GPHN: variants seen among roughly 807,000 people sequenced by gnomAD.
GPHN encodes gephyrin.
In GPHN, 17 loss-of-function variants were observed where a neutral mutation model predicts 95.5. The observed-to-expected ratio is 0.18, with a 90% CI of 0.12 to 0.27. The LOEUF is 0.27. GPHN is among the 10% of genes least tolerant of loss of function. The probability of loss-of-function intolerance (pLI) is 1.00; values close to 1 mark genes in which losing one functional copy is unlikely to be tolerated. For synonymous variants in GPHN, 320 were observed against 322.5 expected, an observed-to-expected ratio of 0.99 and a Z score of 0.08; for missense variants, 660 against 978.1, an observed-to-expected ratio of 0.67 and a Z score of 4.34.
chr14:66,516,018 T>A (rs112074837), intron 1 of GPHN, among the ~76,000 whole-genome samples: 79 of 152,210 alleles, frequency 5.2e-4, no homozygotes, highest in African/African-American at 1.6e-3. Context: ...TACACATTTT[T>A]TTTTTTTTGA....
chr14:66,666,140 T>G (rs987816706), intron 1 of GPHN, among the ~76,000 whole-genome samples: 7 of 151,796 alleles, frequency 4.6e-5, no homozygotes, highest in Non-Finnish European at 1.0e-4. Context: ...TTAGGAGATA[T>G]ACCTAATGTA....
At chr14:66,910,105 C>T (rs539767596) in intron 5 of GPHN, among the ~76,000 whole-genome samples, 4 of 151,850 alleles carry the variant, frequency 2.6e-5, no homozygotes, top group South Asian at 2.1e-4. Flanking sequence ...TATGCAGAAT[C>T]GACCCTCTAG....
intron 4 of GPHN, among the ~76,000 whole-genome samples, chr14:66,827,128 A>G (rs1217514484): frequency 6.6e-6 from 1 of 152,142 alleles, no homozygotes; most frequent in Non-Finnish European, 1.5e-5. Context: ...TACTAAAAAT[A>G]CAAAGAATTA....
At chr14:67,310,574 T>C in the GPHN span, among the ~76,000 whole-genome samples, 1 of 152,218 alleles carries the variant, frequency 6.6e-6, no homozygotes. Context: ...TTCACTATGC[T>C]ATACACTTAT....
At chr14:67,390,642 G>T in the GPHN span, 2 of 1,554,984 alleles carry the variant, frequency 1.3e-6, no homozygotes, top group South Asian at 2.2e-5. Context: ...GGACCAACAT[G>T]GAGCCAGCAT....
chr14:67,276,017 C>A, the GPHN span, among the ~76,000 whole-genome samples: 1 of 151,908 alleles, frequency 6.6e-6, no homozygotes, highest in East Asian at 1.9e-4. Context: ...CTCTTTTCTT[C>A]ATTAGTCTTG....
intron 1 of GPHN, among the ~76,000 whole-genome samples, chr14:66,626,940 ATT>A (rs1321673579): frequency 6.6e-6 from 1 of 151,964 alleles, no homozygotes; most frequent in Non-Finnish European, 1.5e-5. Flanking sequence ...ACTGCCAGAG[ATT>A]TGCTTTATAG....
rs750109574 is a variant in GPHN, at chr14:67,113,072, C to T, written c.1527C>T (p.His509=). The T allele has an allele frequency of 1.2e-6, 2 of 1,613,628 alleles. No individual in the cohort carries two copies. Residue 509 remains histidine, a synonymous_variant, in exon 16 of 23, where the codon CAC becomes CAT. Coordinates refer to ENST00000478722, the MANE Select transcript of GPHN (RefSeq NM_020806.5). The stretch of plus-strand genomic sequence containing the variant: ...AATGTGTTTTGGCCAAAGGAACCCA[C>T]ATGGGCCCCTCAGAGATTGGTCTTC... ...RGECVLAKGT[H]MGPSEIGLLA... is the part of the protein sequence containing the mutation.
intron 13 of GPHN, among the ~76,000 whole-genome samples, chr14:67,106,101 T>G (rs1472773578): frequency 6.6e-6 from 1 of 152,158 alleles, no homozygotes; most frequent in Non-Finnish European, 1.5e-5. Context: ...AGTAATGAAT[T>G]CTCTCCATTT....
Position 66,983,715 on chromosome 14 carries a change from T to C in GPHN, c.963+18390T>C, listed in dbSNP as rs563684459. ...TTTACATTCAGAGTTTAGTGGTAAC[T>C]GTCTTTTTTTCTTCTTATAATTCAT... On this transcript the variant is annotated intron_variant, in intron 9 of 22. Transcript: ENST00000478722. 2.6e-5 allele frequency among the ~76,000 whole-genome samples: 4 copies of C among 152,252 alleles called. No homozygotes were observed. The South Asian group carries it at 8.3e-4, about 32-fold the overall frequency.
the GPHN span, chr14:67,294,974 A>G: frequency 1.3e-5 from 2 of 151,946 alleles, no homozygotes; most frequent in African/African-American, 4.8e-5. Context: ...GCCTGGCCCT[A>G]GGATATTATA....
At chr14:66,681,518 G>GT (rs1468459249) in intron 2 of GPHN, among the ~76,000 whole-genome samples, 1 of 151,986 alleles carries the variant, frequency 6.6e-6, no homozygotes, top group Non-Finnish European at 1.5e-5. Flanking sequence ...ACAATTTGAA[G>GT]TTTTTTGAAT....
chr14:66,921,110 AC>A (rs2066192869), intron 6 of GPHN, among the ~76,000 whole-genome samples: 2 of 152,178 alleles, frequency 1.3e-5, no homozygotes, highest in Admixed American at 6.5e-5. Flanking sequence ...CTGGGTAGAT[AC>A]CCAGTAGTGG....
the GPHN span, among the ~76,000 whole-genome samples, chr14:67,437,656 G>T: frequency 1.3e-5 from 2 of 152,108 alleles, no homozygotes; most frequent in South Asian, 2.1e-4. Flanking sequence ...TGCTGGAGGA[G>T]GGGGGAGAGA....
chr14:67,063,978 G>A (rs2075931563), intron 11 of GPHN, among the ~76,000 whole-genome samples: 3 of 152,156 alleles, frequency 2.0e-5, no homozygotes, highest in Non-Finnish European at 4.4e-5. Flanking sequence ...TGTTGAATAG[G>A]AGTGGTGAGA....
At chr14:66,989,976 C>T (rs1024494206) in intron 9 of GPHN, among the ~76,000 whole-genome samples, 6 of 152,042 alleles carry the variant, frequency 3.9e-5, no homozygotes, top group Non-Finnish European at 8.8e-5. Context: ...AGTCCATTTC[C>T]ACATTGCCAT....
At chr14:66,652,012 G>C (rs181733220) in intron 1 of GPHN, among the ~76,000 whole-genome samples, 28 of 152,140 alleles carry the variant, frequency 1.8e-4, no homozygotes, top group Non-Finnish European at 3.1e-4. Flanking sequence ...CCCAGTTCAC[G>C]GAAACATTGT....
At chr14:66,858,784 G>A (rs547044318) in intron 4 of GPHN, among the ~76,000 whole-genome samples, 1 of 152,210 alleles carries the variant, frequency 6.6e-6, no homozygotes, top group East Asian at 1.9e-4. Flanking sequence ...GCCCTGAAGA[G>A]TGAGTCCCAT....
chr14:67,366,575 G>C, the GPHN span, among the ~76,000 whole-genome samples: 9 of 152,320 alleles, frequency 5.9e-5, no homozygotes, highest in Admixed American at 5.9e-4. Context: ...GTACAAATGC[G>C]TGCAATGCAA....
Sources: gnomAD v4.1 joint callset for allele counts (sites outside exome capture counted in the v4.1 genomes callset) on GRCh38, gnomAD v4.1.1 for gene constraint, MANE v1.5 for transcripts, NCBI Gene and HGNC (gene_info 2026-07-23, HGNC 2026-07-21) for gene names.